PCDHGB1: variants seen among roughly 807,000 people sequenced by gnomAD.
PCDHGB1 encodes the protein protocadherin gamma subfamily B, 1, also known as protocadherin gamma-B1.
A neutral mutation model predicts 56.6 loss-of-function variants in PCDHGB1; 34 were observed. The ratio of observed to expected loss-of-function variants is 0.60; its 90% confidence interval spans 0.46 to 0.80. The LOEUF is 0.80. Ranked by LOEUF, PCDHGB1 falls within the 30% of genes least tolerant of loss-of-function variation. The pLI is 0.00. For synonymous variants in PCDHGB1, 561 were observed against 505.9 expected (o/e 1.11, Z -1.46); for missense variants, 1,278 against 1,204.6 (o/e 1.06, Z -0.90).
At chr5:141,492,548 C>A (rs1028674110) in intron 1 of PCDHGB1, among the ~76,000 whole-genome samples, 1 of 152,218 alleles carries the variant, frequency 6.6e-6, no homozygotes, top group Non-Finnish European at 1.5e-5. Flanking sequence ...TGGGCCGGGT[C>A]GCCTGGGGGG....
At chr5:141,400,233 C>A (rs373858401) in intron 1 of PCDHGB1, 2 of 1,613,988 alleles carry the variant, frequency 1.2e-6, no homozygotes, top group African/African-American at 1.3e-5. Flanking sequence ...TCCTCCTGGC[C>A]GTGATTCTGG....
At chr5:141,356,611 A>C (rs1425598072) in intron 1 of PCDHGB1, 4 of 1,614,158 alleles carry the variant, frequency 2.5e-6, no homozygotes, top group Non-Finnish European at 3.4e-6. Context: ...AGGAGCCTCC[A>C]TCTTATCTAT....
rs868008554 is a variant in PCDHGB1, at chr5:141,431,417, C to T, written c.2410-63390C>T. 1 of 1,613,666 alleles carries T rather than the reference C, an allele frequency of 6.2e-7. No homozygotes were observed. Among genetic ancestry groups the T allele is most frequent in the South Asian group, 1.1e-5 (1 of 91,082 alleles). ...CCTTACGGCCTCCGACGGGGGCGAC[C>T]CGGTGCGCACAGGCACCGCGCGCAT... On this transcript the variant is annotated intron_variant, in intron 1 of 3. Transcript: ENST00000523390. This position sits in a 1 kb window ranked among gnomAD's most constrained non-coding sequence, Gnocchi z 4.8.
chr5:141,394,643 G>T, intron 1 of PCDHGB1: 1 of 1,613,492 alleles, frequency 6.2e-7, no homozygotes, highest in Non-Finnish European at 8.5e-7. Flanking sequence ...GCCTGCTCAA[G>T]GCCAGCGAGC....
intron 1 of PCDHGB1, among the ~76,000 whole-genome samples, chr5:141,480,187 T>TGAGGCCAGCAGTTC (rs2099513839): frequency 6.6e-6 from 1 of 151,380 alleles, no homozygotes; most frequent in Admixed American, 6.6e-5. Context: ...GCGGATTGCT[T>TGAGGCCAGCAGTTC]GAGGCCAGCA....
At chr5:141,399,911 G>T in intron 1 of PCDHGB1, 1 of 1,612,384 alleles carries the variant, frequency 6.2e-7, no homozygotes. Flanking sequence ...GCAGACTCAG[G>T]ACACAACGCC....
chr5:141,460,791 C>A (rs2098997892), intron 1 of PCDHGB1, among the ~76,000 whole-genome samples: 1 of 151,666 alleles, frequency 6.6e-6, no homozygotes, highest in Non-Finnish European at 1.5e-5. Context: ...TATATACACA[C>A]AAAGTATATA....
intron 1 of PCDHGB1, chr5:141,375,149 A>G (rs1340397113): frequency 6.2e-7 from 1 of 1,613,944 alleles, no homozygotes. Flanking sequence ...AAGCAGAACA[A>G]TTGCTGAAAG....
At position 141,414,787 on chromosome 5, in the gene PCDHGB1, G is replaced by C. The variant is rs372484037; in HGVS notation, c.2409+62118G>C. ...TCATGAGCTACAGATGCAGGTGACA[G>C]CCAGCGACAGCGGGGATCCTCCACT... On this transcript the variant is annotated intron_variant, in intron 1 of 3. Coordinates refer to ENST00000523390, the MANE Select transcript of PCDHGB1 (RefSeq NM_018922.3). 12 of 1,614,230 alleles carry C rather than the reference G, an allele frequency of 7.4e-6. No homozygotes were observed. The highest frequency in any genetic ancestry group is 2.2e-5 in the East Asian group (1 of 44,874).
intron 1 of PCDHGB1, chr5:141,355,974 C>T: frequency 1.2e-6 from 2 of 1,613,872 alleles, no homozygotes; most frequent in East Asian, 2.2e-5. Context: ...TTCCTGTAGG[C>T]ACTCGGCTAC....
chr5:141,440,563 T>C (rs1048420758), intron 1 of PCDHGB1: 3 of 152,250 alleles, frequency 2.0e-5, no homozygotes, highest in Admixed American at 6.5e-5. Flanking sequence ...TTAAGTTACG[T>C]ATCTCTGAGT....
chr5:141,376,255 G>C, intron 1 of PCDHGB1: 1 of 1,614,256 alleles, frequency 6.2e-7, no homozygotes, highest in Non-Finnish European at 8.5e-7. Context: ...AGTCACGCCT[G>C]CTGCAGGCTT....
At chr5:141,422,153 AT>A (rs750082013) in intron 1 of PCDHGB1, 4 of 1,575,250 alleles carry the variant, frequency 2.5e-6, no homozygotes, top group Non-Finnish European at 3.4e-6. Context: ...GGGTCTCTGG[AT>A]TTTGAAAAAT....
chr5:141,481,096 T>C (rs1162625304), intron 1 of PCDHGB1, among the ~76,000 whole-genome samples: 2 of 152,150 alleles, frequency 1.3e-5, no homozygotes, highest in East Asian at 1.9e-4. Flanking sequence ...AAAGCAGTAC[T>C]CTGGAACCTA....
In PCDHGB1 at chr5:141,491,410, G is replaced by T. The variant is rs777207581; in HGVS notation, c.2410-3397G>T. On this transcript the variant is annotated intron_variant, in intron 1 of 3. Transcript: ENST00000523390. The surrounding 1 kb of genome is among the most constrained non-coding windows in gnomAD (Gnocchi z 6.9). ...GTGCCTTCAGGGAAACGCAGACGGG[G>T]ACGGGGGTGGAGGGCAGTGCTGCAG... 28 of 1,614,142 alleles carry T rather than the reference G, an allele frequency of 1.7e-5. No individual in the cohort carries two copies. The highest frequency in any genetic ancestry group is 2.4e-5 in the Non-Finnish European group (28 of 1,180,034).
chr5:141,395,547 TGTGTGTGTG>T (rs754815609), intron 1 of PCDHGB1: 25,854 of 174,180 alleles, frequency 0.15, 2,316 homozygotes, highest in South Asian at 0.18. Flanking sequence ...ATTGTTTGTG[TGTGTGTGTG>T]TGTGTGTGTG....
At chr5:141,364,871 G>A (rs775321480) in intron 1 of PCDHGB1, 2 of 1,614,010 alleles carry the variant, frequency 1.2e-6, no homozygotes, top group Admixed American at 1.7e-5. Flanking sequence ...CTTCTCTCTG[G>A]ATGTGGTAAG....
Position 141,365,477 on chromosome 5 carries a change from G to C in PCDHGB1, c.2409+12808G>C, listed in dbSNP as rs1313956190. ...TGATTCTGGAGAAAATGGTGAGATT[G>C]CATGCTCTATTCCTAGGAATTTGCC... On this transcript the variant is annotated intron_variant, in intron 1 of 3. Transcript: ENST00000523390. 3.7e-6 allele frequency: 6 copies of C among 1,613,876 alleles called. No individual in the cohort carries two copies. The African/African-American group carries it at 8.0e-5, about 22-fold the overall frequency.
At chr5:141,378,377 G>A (rs1488267882) in intron 1 of PCDHGB1, 1 of 152,208 alleles carries the variant, frequency 6.6e-6, no homozygotes, top group African/African-American at 2.4e-5. Flanking sequence ...ACAAAAATTA[G>A]CCAGGTGGGG....
Sources: gnomAD v4.1 joint callset for allele counts (sites outside exome capture counted in the v4.1 genomes callset) on GRCh38, gnomAD v4.1.1 for gene constraint, Gnocchi (gnomAD v3.1) non-coding constraint, MANE v1.5 for transcripts, NCBI Gene and HGNC (gene_info 2026-07-23, HGNC 2026-07-21) for gene names.